Variants in ADGRD2 observed in about 807,000 individuals in gnomAD.
The protein encoded by ADGRD2 is G protein-coupled receptor PGR24.
ADGRD2 carries 71 observed loss-of-function variants against 44.4 expected under a neutral mutation model. The ratio of observed to expected loss-of-function variants is 1.60; its 90% confidence interval spans 1.32 to 1.95. The LOEUF is 1.95. ADGRD2 is among the 30% of genes most tolerant of loss of function. The pLI is 0.00. For synonymous variants in ADGRD2, 481 were observed against 224.8 expected, an observed-to-expected ratio of 2.14 and a Z score of -10.19; for missense variants, 1,039 against 512.4, an observed-to-expected ratio of 2.03 and a Z score of -9.92.
At chr9:124,472,408 C>G (rs890701757) in intron 17 of ADGRD2, among the ~76,000 whole-genome samples, 8 of 152,152 alleles carry the variant, frequency 5.3e-5, no homozygotes, top group African/African-American at 1.9e-4. Flanking sequence ...CCACTTCTCT[C>G]CTCAGTCTCT....
chr9:124,453,999 T>G, exon 4 of ADGRD2: 1 of 687,036 alleles, frequency 1.5e-6, no homozygotes, highest in South Asian at 1.6e-5. Flanking sequence ...CCCCTGCCAG[T>G]GCCCTCCGAG....
chr9:124,463,035 A>C (rs1177429403), intron 10 of ADGRD2, among the ~76,000 whole-genome samples: 2 of 150,208 alleles, frequency 1.3e-5, no homozygotes, highest in Non-Finnish European at 3.0e-5. Flanking sequence ...CTCTGGATCA[A>C]TGTTGAATTG....
upstream of ADGRD2, chr9:124,451,997 G>GCCGGGGGGGGCC: frequency 5.5e-6 from 2 of 360,938 alleles, no homozygotes; most frequent in Non-Finnish European, 1.1e-5. Flanking sequence ...TCCACTGAAT[G>GCCGGGGGGGGCC]CCCCCCTCCC....
chr9:124,476,765 T>G lies in ADGRD2; in HGVS notation c.*18+56T>G, dbSNP rs893353421. 18 of 681,726 alleles carry G rather than the reference T, an allele frequency of 2.6e-5. No homozygotes were observed. The African/African-American group carries it at 3.2e-4, about 12-fold the overall frequency. 42.2% of individuals were successfully genotyped at this position (681,726 alleles called of 1,614,324 possible). A position where few individuals can be genotyped will look rare whatever the true frequency, so the allele number is the denominator to read the frequency against. ...TTTCTTTTTGGGCCTGGACACCCCC[T>G]AAGCCCCCCGTACCAGGATGGAAGT... On this transcript the variant is annotated intron_variant, in intron 21 of 21. Transcript: ENST00000334810.
intron 16 of ADGRD2, among the ~76,000 whole-genome samples, chr9:124,470,066 C>CCCCA (rs1370000845): frequency 1.3e-5 from 2 of 152,140 alleles, no homozygotes; most frequent in Non-Finnish European, 2.9e-5. Context: ...CTTTCCCCTT[C>CCCCA]CCCACCCATC....
At chr9:124,456,907 A>C (rs770691179) in intron 7 of ADGRD2, among the ~76,000 whole-genome samples, 174 bp downstream of exon 10, 2 of 152,054 alleles carry the variant, frequency 1.3e-5, no homozygotes, top group African/African-American at 4.8e-5. Context: ...AAACACCTAT[A>C]CATCCTTCAG....
chr9:124,477,403 A>G (rs1297822848), intron 21 of ADGRD2, among the ~76,000 whole-genome samples: 1 of 152,208 alleles, frequency 6.6e-6, no homozygotes, highest in African/African-American at 2.4e-5. Flanking sequence ...CGAAGGCAAG[A>G]GCGCTGTTCA....
At chr9:124,450,484 C>T (rs2131214235), upstream of ADGRD2, among the ~76,000 whole-genome samples, 1 of 152,348 alleles carries the variant, frequency 6.6e-6, no homozygotes, top group South Asian at 2.1e-4. Flanking sequence ...CGGTGAACGG[C>T]CACAGGCGCC....
chr9:124,457,537 G>C, exon 8 of ADGRD2: 1 of 689,692 alleles, frequency 1.4e-6, no homozygotes, highest in East Asian at 2.7e-5. Flanking sequence ...CACAATGCCT[G>C]GTGGGCGTCC....
rs28502496 is a variant in ADGRD2 at position 124,469,332 on chromosome 9, G to A, written c.2500G>A (p.Gly834Arg). ...CACAAATGCCATCTGGGCCTTCGTGGGGCCTGTGCTCTTCGTGCTGACTGT... is the reference window on the plus strand; with the variant it reads ...CACAAATGCCATCTGGGCCTTCGTGAGGCCTGTGCTCTTCGTGCTGACTGT... The change falls in exon 15 of 22, where the codon GGG becomes AGG. Residue 834 changes from glycine (G) to arginine (R), a missense_variant. By Grantham distance (125) the Gly-to-Arg change is moderately radical. Transcript: ENST00000334810. 0.012 allele frequency: 8,765 copies of A among 718,308 alleles called. 521 individuals are homozygous for A. In the African/African-American group the frequency reaches 0.14, roughly 11 times the overall value. The allele number at this position is 718,308 out of a possible 1,614,324, so 44.5% of individuals were successfully genotyped here.
At chr9:124,470,673 G>C (rs1831931511) in intron 17 of ADGRD2, 59 bp downstream of exon 20, 2 of 658,386 alleles carry the variant, frequency 3.0e-6, no homozygotes, top group Admixed American at 4.2e-5. Context: ...GCTCAGAGGG[G>C]ACGACTAGGG....
exon 2 of ADGRD2, chr9:124,452,641 G>A: frequency 2.8e-6 from 2 of 718,268 alleles, no homozygotes; most frequent in Non-Finnish European, 5.2e-6. Flanking sequence ...GCAGCCCCCT[G>A]ATGGGGTTCT....
exon 9 of ADGRD2, chr9:124,458,195 C>G (rs754837399): frequency 1.4e-6 from 1 of 718,516 alleles, no homozygotes; most frequent in South Asian, 1.5e-5. Context: ...ACCTAGAGCC[C>G]CAGGCCCCTG....
exon 11 of ADGRD2, chr9:124,466,411 C>A: frequency 1.4e-6 from 1 of 710,534 alleles, no homozygotes. Flanking sequence ...CTATGAAGTA[C>A]AGGTGAGTGC....
At chr9:124,465,360 T>TTC (rs1831800177) in intron 10 of ADGRD2, 1 of 151,756 alleles carries the variant, frequency 6.6e-6, no homozygotes. Flanking sequence ...AGGTTCTTTT[T>TTC]TTTTTTTTTG....
chr9:124,468,340 A>T, intron 13 of ADGRD2, 150 bp downstream of exon 16: 1 of 674,124 alleles, frequency 1.5e-6, no homozygotes, highest in Non-Finnish European at 2.7e-6. Context: ...GGGCCCCGGG[A>T]GGAAAGGGCC....
chr9:124,464,326 G>A (rs1012283819), intron 10 of ADGRD2, among the ~76,000 whole-genome samples: 1 of 152,140 alleles, frequency 6.6e-6, no homozygotes, highest in African/African-American at 2.4e-5. Flanking sequence ...GCTGTTTTCT[G>A]GGCACATAAC....
chr9:124,460,772 T>C (rs1252496642), intron 10 of ADGRD2, among the ~76,000 whole-genome samples: 1 of 152,176 alleles, frequency 6.6e-6, no homozygotes, highest in Non-Finnish European at 1.5e-5. Context: ...AACACTCATA[T>C]ACAAGTCTTT....
Position 124,454,012 on chromosome 9 carries a change from G to T in ADGRD2, c.939G>T (p.Glu313Asp). The T allele has an allele frequency of 4.3e-6, 3 of 705,570 alleles. No individual in the cohort carries two copies. 43.7% of individuals were successfully genotyped at this position (705,570 alleles called of 1,614,324 possible). Residue 313 changes from glutamate to aspartate, a missense_variant, in exon 4 of 22, where the codon GAG becomes GAT. Physicochemically the swap from Glu to Asp is conservative, Grantham distance 45. Transcript: ENST00000334810. The surrounding 1 kb of genome is among the most constrained non-coding windows in gnomAD (Gnocchi z 4.5). ...TGCCCCTGCCAGTGCCCTCCGAGGA[G>T]TGCCCTACGTGGAACCCGGGACCTC...
Sources: gnomAD v4.1 joint callset for allele counts (sites outside exome capture counted in the v4.1 genomes callset) on GRCh38, gnomAD v4.1.1 for gene constraint, Gnocchi (gnomAD v3.1) non-coding constraint, MANE v1.5 for transcripts, NCBI Gene and HGNC (gene_info 2026-07-23, HGNC 2026-07-21) for gene names.